Variants in SDK1 observed in about 807,000 individuals in gnomAD.
The protein encoded by SDK1 is protein sidekick-1.
Under a neutral mutation model 245.5 loss-of-function variants are expected in SDK1, and 157 were observed. The ratio of observed to expected loss-of-function variants is 0.64; its 90% CI spans 0.56 to 0.73. The LOEUF is 0.73. Ranked by LOEUF, SDK1 falls within the 30% of genes least tolerant of loss-of-function variation. The pLI, the probability that SDK1 is intolerant of heterozygous loss-of-function variation, is 0.00. For missense variants in SDK1, 3,583 were observed against 3,002.3 expected, an observed-to-expected ratio of 1.19 and a Z score of -4.52; for synonymous variants, 1,647 against 1,278.5, an observed-to-expected ratio of 1.29 and a Z score of -6.15.
chr7:3,865,203 C>T (rs1780791565), intron 5 of SDK1, among the ~76,000 whole-genome samples: 1 of 152,042 alleles, frequency 6.6e-6, no homozygotes. Context: ...GCAGATGGGG[C>T]AGGAGGGCCC....
At chr7:3,476,302 T>C (rs1237194025) in intron 1 of SDK1, among the ~76,000 whole-genome samples, 2 of 152,202 alleles carry the variant, frequency 1.3e-5, no homozygotes, top group African/African-American at 4.8e-5. Flanking sequence ...CTGTTTGCTG[T>C]TTATACATAG....
intron 1 of SDK1, among the ~76,000 whole-genome samples, chr7:3,427,350 CTG>C (rs1779706456): frequency 6.6e-6 from 1 of 151,972 alleles, no homozygotes; most frequent in Admixed American, 6.6e-5. Context: ...GAAACCCTGT[CTG>C]TACTAAAAAT....
intron 1 of SDK1, among the ~76,000 whole-genome samples, chr7:3,457,278 G>A (rs1780700315): frequency 6.6e-6 from 1 of 152,156 alleles, no homozygotes; most frequent in Non-Finnish European, 1.5e-5. Flanking sequence ...AAGATGCCCT[G>A]CCATTACGTT....
chr7:3,471,197 T>G (rs1190279720), intron 1 of SDK1, among the ~76,000 whole-genome samples: 1 of 152,174 alleles, frequency 6.6e-6, no homozygotes, highest in Non-Finnish European at 1.5e-5. Flanking sequence ...ACTTGAGTCG[T>G]GAGAAGACTG....
intron 5 of SDK1, among the ~76,000 whole-genome samples, chr7:3,878,326 C>G (rs1015148717): frequency 1.3e-5 from 2 of 152,146 alleles, no homozygotes; most frequent in Non-Finnish European, 2.9e-5. Context: ...CAAGACCATC[C>G]TGGCTAACAC....
intron 35 of SDK1, among the ~76,000 whole-genome samples, chr7:4,196,326 G>A (rs1783574055): frequency 6.6e-6 from 1 of 152,162 alleles, no homozygotes; most frequent in Admixed American, 6.5e-5. Context: ...CCTCCGGGCT[G>A]GGTCCCCACA....
At chr7:3,375,746 C>G (rs536872891) in intron 1 of SDK1, among the ~76,000 whole-genome samples, 1 of 152,164 alleles carries the variant, frequency 6.6e-6, no homozygotes, top group Non-Finnish European at 1.5e-5. Context: ...GAAGTGGATC[C>G]TCCAGCCCCA....
chr7:3,581,610 C>G (rs1780499314), intron 1 of SDK1, among the ~76,000 whole-genome samples: 1 of 152,114 alleles, frequency 6.6e-6, no homozygotes, highest in Admixed American at 6.5e-5. Flanking sequence ...GAGCTAAAAA[C>G]AGAACTACCA....
chr7:3,592,384 G>A (rs924900779), intron 1 of SDK1, among the ~76,000 whole-genome samples: 18 of 152,144 alleles, frequency 1.2e-4, no homozygotes, highest in Non-Finnish European at 1.9e-4. Flanking sequence ...CCTGCAAAAT[G>A]CAAGGATCTA....
chr7:3,538,386 G>A (rs1406513035), intron 1 of SDK1, among the ~76,000 whole-genome samples: 1 of 151,954 alleles, frequency 6.6e-6, no homozygotes, highest in African/African-American at 2.4e-5. Flanking sequence ...GAAAAAATCA[G>A]TTCAGGTATA....
chr7:3,551,046 C>A (rs912846093), intron 1 of SDK1, among the ~76,000 whole-genome samples: 1 of 152,154 alleles, frequency 6.6e-6, no homozygotes, highest in South Asian at 2.1e-4. Flanking sequence ...GAAAGATTAA[C>A]CTATTTAAGG....
At chr7:3,354,807 T>C (rs961114829) in intron 1 of SDK1, among the ~76,000 whole-genome samples, 1 of 152,226 alleles carries the variant, frequency 6.6e-6, no homozygotes, top group Non-Finnish European at 1.5e-5. Flanking sequence ...TGCTTGAATA[T>C]CTCAAAATGA....
chr7:3,470,974 G>C (rs1915982), intron 1 of SDK1, among the ~76,000 whole-genome samples: 114,226 of 152,112 alleles, frequency 0.75, 43,660 homozygotes, highest in African/African-American at 0.9. Context: ...TGATAAACAA[G>C]TATCTTTCTT....
chr7:4,063,597 C>CAAAAAAAAAA (rs35423286), intron 19 of SDK1, among the ~76,000 whole-genome samples: 15 of 125,150 alleles, frequency 1.2e-4, no homozygotes, highest in African/African-American at 4.1e-4. Context: ...ACAGAAATAG[C>CAAAAAAAAAA]AAAAAAAAAA....
At position 3,432,239 on chromosome 7, in the gene SDK1, C is replaced by G. The variant is rs543774508; in HGVS notation, c.298+130355C>G. ...AGGTTAAGAATGACATTAGTGCCAA[C>G]TGTGCTGTATTTTGGCTATCGTGAT... is the stretch of plus-strand genomic sequence containing the variant. On this transcript the variant is annotated intron_variant, in intron 1 of 44. Coordinates refer to ENST00000404826, the MANE Select transcript of SDK1 (RefSeq NM_152744.4). Among the ~76,000 whole-genome samples, 47 of 151,492 alleles carry G rather than the reference C, an allele frequency of 3.1e-4. No individual in the cohort carries two copies. In the South Asian group the frequency reaches 8.3e-3, roughly 27 times the overall value.
intron 1 of SDK1, among the ~76,000 whole-genome samples, chr7:3,444,997 A>G (rs1780303231): frequency 6.6e-6 from 1 of 152,238 alleles, no homozygotes; most frequent in Non-Finnish European, 1.5e-5. Flanking sequence ...AACATTGGTA[A>G]TACCAGCAGA....
chr7:4,259,607 A>G (rs1787852859), intron 44 of SDK1, among the ~76,000 whole-genome samples: 1 of 152,192 alleles, frequency 6.6e-6, no homozygotes, highest in African/African-American at 2.4e-5. Flanking sequence ...GACCAAACAC[A>G]TTGGTCTTCT....
chr7:3,613,734 A>G lies in SDK1; in HGVS notation c.299-5346A>G, dbSNP rs150916546. Among the ~76,000 whole-genome samples, 405 of 152,346 alleles carry G rather than the reference A, an allele frequency of 2.7e-3. 2 individuals carry two copies. Among genetic ancestry groups the G allele is most frequent in the African/African-American group, 9.3e-3 (385 of 41,590 alleles). On this transcript the variant is annotated intron_variant, in intron 1 of 44. Transcript: ENST00000404826. The stretch of plus-strand genomic sequence containing the variant: ...TGACATGGAATCAACCCAAATACCC[A>G]TCAATGATAGACTGGATAAAGAAAA...
chr7:3,507,972 C>A (rs907393363), intron 1 of SDK1, among the ~76,000 whole-genome samples: 1 of 152,172 alleles, frequency 6.6e-6, no homozygotes, highest in Non-Finnish European at 1.5e-5. Flanking sequence ...TTTGACACTG[C>A]TGACTGTCCT....
Sources: allele counts gnomAD v4.1 joint callset (sites outside exome capture counted in the v4.1 genomes callset), GRCh38; gene constraint gnomAD v4.1.1; transcripts MANE v1.5; gene names NCBI Gene and HGNC (gene_info 2026-07-23, HGNC 2026-07-21).